LRRC37A2: variants seen among roughly 807,000 people sequenced by gnomAD.
The protein encoded by LRRC37A2 is leucine rich repeat containing 37 member A2, also known as leucine-rich repeat-containing protein 37A2.
Under a neutral mutation model 68.8 loss-of-function variants are expected in LRRC37A2, and 9 were observed. The observed-to-expected ratio is 0.13, with a 90% CI of 0.08 to 0.23. The LOEUF (loss-of-function observed/expected upper bound fraction) is 0.23, where lower values mean the gene tolerates loss of function less well. LRRC37A2 is among the 10% of genes least tolerant of loss of function. The pLI, the probability that LRRC37A2 is intolerant of heterozygous loss-of-function variation, is 1.00. For synonymous variants in LRRC37A2, 63 were observed against 367.6 expected, an observed-to-expected ratio of 0.17 and a Z score of 9.48; for missense variants, 168 against 950.4, an observed-to-expected ratio of 0.18 and a Z score of 10.82.
the LRRC37A2 span, among the ~76,000 whole-genome samples, chr17:46,896,862 G>A: frequency 6.6e-6 from 1 of 152,282 alleles, no homozygotes; most frequent in African/African-American, 2.4e-5. Context: ...ATGGGCCTGG[G>A]ACCCTGAGGG....
the LRRC37A2 span, among the ~76,000 whole-genome samples, chr17:46,843,546 G>A: frequency 6.6e-6 from 1 of 152,142 alleles, no homozygotes; most frequent in South Asian, 2.1e-4. Flanking sequence ...TCTTTCCTGG[G>A]TTCCTGCCTC....
At chr17:46,962,499 ATTCTGGGCCAAT>A in the LRRC37A2 span, among the ~76,000 whole-genome samples, 23 of 152,292 alleles carry the variant, frequency 1.5e-4, no homozygotes, top group Admixed American at 2.6e-4. Flanking sequence ...AAGTATGCTG[ATTCTGGGCCAAT>A]TATTGAGGTC....
chr17:47,011,116 G>A, the LRRC37A2 span, among the ~76,000 whole-genome samples: 1 of 152,166 alleles, frequency 6.6e-6, no homozygotes. Flanking sequence ...TGTCCAACCG[G>A]AAGCCGCCTG....
chr17:47,034,993 G>C, the LRRC37A2 span: 1 of 151,968 alleles, frequency 6.6e-6, no homozygotes, highest in Admixed American at 6.6e-5. Flanking sequence ...AGAGGAGGGG[G>C]ATCACAAGGC....
the LRRC37A2 span, among the ~76,000 whole-genome samples, chr17:46,739,503 C>T: frequency 2.8e-4 from 43 of 151,516 alleles, no homozygotes; most frequent in African/African-American, 8.7e-4. Flanking sequence ...CATGCAACTG[C>T]ACTCCAGCCT....
At chr17:46,819,675 A>C in the LRRC37A2 span, among the ~76,000 whole-genome samples, 1 of 152,050 alleles carries the variant, frequency 6.6e-6, no homozygotes, top group Non-Finnish European at 1.5e-5. This position sits in a 1 kb window ranked among gnomAD's most constrained non-coding sequence, Gnocchi z 5.3. Context: ...ACTGATAGGG[A>C]GCTCCAGCCT....
the LRRC37A2 span, among the ~76,000 whole-genome samples, chr17:47,033,913 A>C: frequency 6.6e-6 from 1 of 152,238 alleles, no homozygotes; most frequent in Non-Finnish European, 1.5e-5. Context: ...GGCTGGAAAA[A>C]AGCTTGCCAC....
chr17:46,795,390 G>A, the LRRC37A2 span, among the ~76,000 whole-genome samples: 2 of 152,144 alleles, frequency 1.3e-5, no homozygotes, highest in Non-Finnish European at 2.9e-5. Context: ...GCTCCCCTCC[G>A]AGGTGGGGAA....
At chr17:47,024,513 T>C in the LRRC37A2 span, among the ~76,000 whole-genome samples, 1 of 151,888 alleles carries the variant, frequency 6.6e-6, no homozygotes, top group Non-Finnish European at 1.5e-5. Context: ...TGGAGAGAGA[T>C]GGACACAAAA....
At chr17:46,933,430 C>G in the LRRC37A2 span, 2 of 152,198 alleles carry the variant, frequency 1.3e-5, no homozygotes, top group Non-Finnish European at 2.9e-5. Flanking sequence ...CTGAGTCTTT[C>G]AAACGCCAGC....
the LRRC37A2 span, chr17:46,940,791 G>A: frequency 6.7e-7 from 1 of 1,499,976 alleles, no homozygotes; most frequent in African/African-American, 1.4e-5. Context: ...AAATTGCAGA[G>A]GTGGTTTTTG....
the LRRC37A2 span, among the ~76,000 whole-genome samples, chr17:46,914,275 C>T: frequency 2.6e-5 from 4 of 152,074 alleles, no homozygotes; most frequent in East Asian, 1.9e-4. Context: ...AAAAATAATC[C>T]GAAAGTGCGC....
the LRRC37A2 span, among the ~76,000 whole-genome samples, chr17:46,896,930 C>G: frequency 6.6e-6 from 1 of 152,210 alleles, no homozygotes; most frequent in Admixed American, 6.5e-5. Flanking sequence ...CCCAAATCAA[C>G]ACTATTGGGT....
the LRRC37A2 span, among the ~76,000 whole-genome samples, chr17:46,879,932 C>T: frequency 6.6e-6 from 1 of 152,242 alleles, no homozygotes. Flanking sequence ...TCCTTCTGCC[C>T]ACACTGCCCA....
chr17:46,948,633 C>A, the LRRC37A2 span: 1 of 152,234 alleles, frequency 6.6e-6, no homozygotes, highest in Admixed American at 6.5e-5. Context: ...GTGGTGAAGA[C>A]AAAGCCAATC....
chr17:46,711,166 C>A, the LRRC37A2 span: 13 of 1,443,964 alleles, frequency 9.0e-6, no homozygotes, highest in Non-Finnish European at 1.2e-5. Context: ...GGAAAAAAAG[C>A]AGCATTTTTT....
At chr17:46,768,595 G>A in the LRRC37A2 span, 3 of 1,614,196 alleles carry the variant, frequency 1.9e-6, no homozygotes, top group Non-Finnish European at 8.5e-7. The surrounding 1 kb of genome is among the most constrained non-coding windows in gnomAD (Gnocchi z 5.0). Context: ...GGCTTGAAGA[G>A]CGAGTACTTG....
chr17:46,940,550 C>T, the LRRC37A2 span: 11 of 1,614,128 alleles, frequency 6.8e-6, no homozygotes, highest in Non-Finnish European at 8.5e-6. Context: ...TGTCCTGTCC[C>T]CCAGGCACCC....
At chr17:47,033,245 A>T in the LRRC37A2 span, 1 of 633,764 alleles carries the variant, frequency 1.6e-6, no homozygotes, top group Admixed American at 2.8e-5. Context: ...AAAAAAAAAA[A>T]AAAAAGAAAG....
Sources: gnomAD v4.1 joint callset for allele counts (sites outside exome capture counted in the v4.1 genomes callset) on GRCh38, gnomAD v4.1.1 for gene constraint, Gnocchi (gnomAD v3.1) non-coding constraint, MANE v1.5 for transcripts, NCBI Gene and HGNC (gene_info 2026-07-23, HGNC 2026-07-21) for gene names.